The following DTNB variants were observed in gnomAD, a reference collection of about 807,000 sequenced individuals.
DTNB encodes DTN-B.
Under a neutral mutation model 90.7 loss-of-function variants are expected in DTNB, and 63 were observed. That is an observed-to-expected ratio of 0.69 (90% CI 0.57 to 0.86). The LOEUF is 0.86. Among genes scored for constraint, DTNB ranks in the 40% least tolerant of loss-of-function variants. DTNB has a pLI of 0.00. For synonymous variants in DTNB, 277 were observed against 286.7 expected (o/e 0.97, Z 0.34); for missense variants, 744 against 807.1 (o/e 0.92, Z 0.95).
rs781487322 is a variant in DTNB, at chr2:25,577,011, G to C, written c.710-7C>G. The C allele has an allele frequency of 6.3e-7, 1 of 1,596,432 alleles. No homozygotes were observed. Among genetic ancestry groups the C allele is most frequent in the Non-Finnish European group, 8.5e-7 (1 of 1,170,750 alleles). On this transcript the variant is annotated splice_region_variant and splice_polypyrimidine_tract_variant and intron_variant, in intron 7 of 20. Transcript: ENST00000406818. ...CACTCCACGGGATGGAAGACTTGTG[G>C]ACAGGAGAGAAAAGGGGAGAAAAAA...
intron 6 of DTNB, among the ~76,000 whole-genome samples, chr2:25,591,452 A>T (rs1164147988): frequency 6.6e-6 from 1 of 152,236 alleles, no homozygotes; most frequent in Non-Finnish European, 1.5e-5. Flanking sequence ...ATGAAGACCT[A>T]ATAAATAACA....
intron 2 of DTNB, among the ~76,000 whole-genome samples, chr2:25,640,149 T>C (rs1165218523): frequency 6.6e-6 from 1 of 152,164 alleles, no homozygotes; most frequent in African/African-American, 2.4e-5. Flanking sequence ...AAGCCTAAAA[T>C]TATACATGAG....
intron 9 of DTNB, among the ~76,000 whole-genome samples, chr2:25,491,615 C>T (rs1011789143): frequency 1.3e-5 from 2 of 152,036 alleles, no homozygotes; most frequent in Non-Finnish European, 2.9e-5. Context: ...ATATTTGTAG[C>T]GTCTGCAGCG....
At chr2:25,469,244 G>A (rs1177457888) in intron 10 of DTNB, among the ~76,000 whole-genome samples, 3 of 152,166 alleles carry the variant, frequency 2.0e-5, no homozygotes, top group South Asian at 2.1e-4. Context: ...GATAAACAGG[G>A]TTGGCTAGGT....
intron 16 of DTNB, among the ~76,000 whole-genome samples, chr2:25,410,918 T>G (rs569494218): frequency 4.3e-4 from 65 of 151,780 alleles, no homozygotes; most frequent in African/African-American, 1.5e-3. Flanking sequence ...GGTAAACAAC[T>G]TAGGAACTGC....
At chr2:25,435,664 C>T (rs933867630) in intron 12 of DTNB, among the ~76,000 whole-genome samples, 4 of 152,156 alleles carry the variant, frequency 2.6e-5, no homozygotes, top group African/African-American at 9.7e-5. Context: ...TGGGTTGTTA[C>T]CACTTTTCAG....
intron 8 of DTNB, among the ~76,000 whole-genome samples, chr2:25,533,308 CAGAGTGAGACCCCATCTCAA>C (rs79740441): frequency 5.8e-5 from 8 of 137,862 alleles, no homozygotes; most frequent in African/African-American, 1.1e-4. Context: ...CCCTGGGCGA[CAGAGTGAGACCCCATCTCAA>C]AGAAAAGAAA....
At chr2:25,584,150 G>A (rs550043830) in intron 6 of DTNB, among the ~76,000 whole-genome samples, 4 of 152,146 alleles carry the variant, frequency 2.6e-5, no homozygotes, top group Non-Finnish European at 5.9e-5. Context: ...ACGGAGCTTT[G>A]GAATATTTCA....
chr2:25,454,685 C>G (rs2059746920), intron 11 of DTNB, among the ~76,000 whole-genome samples: 1 of 152,178 alleles, frequency 6.6e-6, no homozygotes, highest in Non-Finnish European at 1.5e-5. Context: ...AAAGGATTAA[C>G]TTTGCTATAG....
chr2:25,454,775 G>A lies in DTNB; in HGVS notation c.1169+630C>T, dbSNP rs79459808. Among the ~76,000 whole-genome samples the A allele has an allele frequency of 5.8e-3, 887 of 152,286 alleles. 6 individuals carry two copies. Among genetic ancestry groups the A allele is most frequent in the African/African-American group, 0.02 (841 of 41,556 alleles). ...CTCTTATTAACAGTGAGTCACTACCGCAGTAGTTTTCAGGGTAAGGGGAAT... is the reference window on the plus strand; with the variant it reads ...CTCTTATTAACAGTGAGTCACTACCACAGTAGTTTTCAGGGTAAGGGGAAT... On this transcript the variant is annotated intron_variant, in intron 11 of 20. Coordinates refer to ENST00000406818, the MANE Select transcript of DTNB (RefSeq NM_021907.5).
intron 4 of DTNB, among the ~76,000 whole-genome samples, chr2:25,611,093 C>G (rs1365205630): frequency 6.6e-6 from 1 of 152,208 alleles, no homozygotes; most frequent in African/African-American, 2.4e-5. Context: ...TTACAGTATG[C>G]ACTCTTTTGT....
chr2:25,500,255 T>C (rs1441914835), intron 9 of DTNB, among the ~76,000 whole-genome samples: 1 of 152,102 alleles, frequency 6.6e-6, no homozygotes. Flanking sequence ...AACCCAAAAG[T>C]GTCAATTGGT....
chr2:25,642,093 T>C (rs2078454669), intron 2 of DTNB, among the ~76,000 whole-genome samples: 1 of 152,180 alleles, frequency 6.6e-6, no homozygotes, highest in Admixed American at 6.5e-5. Flanking sequence ...GTGCTGGGAT[T>C]ACAGGCATGA....
intron 10 of DTNB, among the ~76,000 whole-genome samples, chr2:25,471,179 G>T (rs1207751186): frequency 1.3e-5 from 2 of 152,184 alleles, no homozygotes; most frequent in Non-Finnish European, 2.9e-5. Context: ...CCAATGACAT[G>T]CCAGGCTCTA....
chr2:25,416,333 A>G (rs1399143594), intron 16 of DTNB, among the ~76,000 whole-genome samples: 1 of 152,240 alleles, frequency 6.6e-6, no homozygotes, highest in African/African-American at 2.4e-5. Context: ...TGGGAAGCAC[A>G]TCTAATAAAC....
intron 7 of DTNB, among the ~76,000 whole-genome samples, chr2:25,579,494 G>A (rs2061230691): frequency 1.3e-5 from 2 of 152,184 alleles, no homozygotes; most frequent in Admixed American, 6.5e-5. Flanking sequence ...AAAGGCAAGA[G>A]CCTGGAGAGA....
chr2:25,530,774 C>T (rs1171989911), intron 9 of DTNB, among the ~76,000 whole-genome samples: 1 of 152,166 alleles, frequency 6.6e-6, no homozygotes, highest in East Asian at 1.9e-4. Context: ...ACTTCTGACA[C>T]CTGATAAAGA....
intron 8 of DTNB, among the ~76,000 whole-genome samples, chr2:25,551,437 C>T (rs541567576): frequency 6.6e-6 from 1 of 152,164 alleles, no homozygotes; most frequent in Admixed American, 6.5e-5. Context: ...CCAGGACTGA[C>T]CACTTGCAAT....
At chr2:25,534,890 C>CG (rs2079084273) in intron 8 of DTNB, among the ~76,000 whole-genome samples, 1 of 144,744 alleles carries the variant, frequency 6.9e-6, no homozygotes, top group African/African-American at 2.6e-5. Flanking sequence ...ACTTCCCAGA[C>CG]GGGGCGGCCG....
Sources: gnomAD v4.1 joint callset for allele counts (sites outside exome capture counted in the v4.1 genomes callset) on GRCh38, gnomAD v4.1.1 for gene constraint, MANE v1.5 for transcripts, NCBI Gene and HGNC (gene_info 2026-07-23, HGNC 2026-07-21) for gene names.